AKAP1: variants seen among roughly 807,000 people sequenced by gnomAD.
AKAP1 encodes A-kinase anchoring protein 1.
AKAP1 carries 32 observed loss-of-function variants against 79.8 expected under a neutral mutation model. That is an observed-to-expected ratio of 0.40 (90% CI 0.30 to 0.54). The LOEUF is 0.54. Ranked by LOEUF, AKAP1 falls within the 20% of genes least tolerant of loss-of-function variation. AKAP1 has a pLI of 0.47. For missense variants in AKAP1, 961 were observed against 1,138.9 expected (o/e 0.84, Z 2.25); for synonymous variants, 416 against 466.7 (o/e 0.89, Z 1.40).
rs1439545869 is a variant in AKAP1, at chr17:57,106,562, C to T, written c.1098C>T (p.Thr366=). The change falls in exon 2 of 11, where the codon ACC becomes ACT. Residue 366 remains threonine (T), a synonymous_variant. Transcript: ENST00000337714. ...ISEATEQVLA[T]TVGKVAGRVC... The stretch of plus-strand genomic sequence containing the variant: ...AAGCAACCGAACAGGTGCTGGCCAC[C>T]ACGGTTGGCAAGGTTGCAGGTCGTG... The T allele has an allele frequency of 1.2e-5, 19 of 1,614,208 alleles. No homozygotes were observed. The highest frequency in any genetic ancestry group is 1.4e-5 in the Non-Finnish European group (17 of 1,180,022).
intron 3 of AKAP1, among the ~76,000 whole-genome samples, chr17:57,111,536 G>A (rs775532159): frequency 3.3e-5 from 5 of 152,216 alleles, no homozygotes; most frequent in Non-Finnish European, 7.3e-5. Context: ...CGACTTCCTG[G>A]TTAGCAGCTG....
chr17:57,090,886 C>T (rs891479381), intron 1 of AKAP1, among the ~76,000 whole-genome samples: 1 of 152,202 alleles, frequency 6.6e-6, no homozygotes, highest in Non-Finnish European at 1.5e-5. Context: ...CACTAATTTC[C>T]CGACACCTGT....
intron 9 of AKAP1, 139 bp downstream of exon 9, chr17:57,118,593 A>G (rs1368553898): frequency 7.7e-6 from 6 of 776,882 alleles, no homozygotes; most frequent in Non-Finnish European, 1.3e-5. Flanking sequence ...CTAATACTTG[A>G]TATTAGTCTG....
At position 57,105,425 on chromosome 17, in the gene AKAP1, C is replaced by A; in HGVS notation, c.-24-16C>A. 1 of 1,605,982 alleles carries A rather than the reference C, an allele frequency of 6.2e-7. No individual in the cohort carries two copies. Among genetic ancestry groups the A allele is most frequent in the South Asian group, 1.1e-5 (1 of 90,678 alleles). On this transcript the variant is annotated splice_polypyrimidine_tract_variant and intron_variant, in intron 1 of 10. Transcript: ENST00000337714. ...CTCTGTAACATCCCTCCTCCCCGCT[C>A]TCCTGCTCTCCCCAGGTGTAATTAC...
chr17:57,110,963 T>C (rs1915206928), intron 3 of AKAP1, among the ~76,000 whole-genome samples: 1 of 152,070 alleles, frequency 6.6e-6, no homozygotes, highest in Non-Finnish European at 1.5e-5. Flanking sequence ...TGTGCTCAGG[T>C]GGAGACTTGG....
chr17:57,117,931 A>G (rs1694584547), intron 8 of AKAP1, among the ~76,000 whole-genome samples: 1 of 152,128 alleles, frequency 6.6e-6, no homozygotes, highest in South Asian at 2.1e-4. Context: ...CCTGGGTTTG[A>G]TTCCCACCTT....
At chr17:57,093,654 A>G (rs1439724986) in intron 1 of AKAP1, 1 of 152,220 alleles carries the variant, frequency 6.6e-6, no homozygotes, top group Admixed American at 6.5e-5. Context: ...TAGAGCATGC[A>G]TTGCTACTTG....
rs142149320 is a variant in AKAP1 at position 57,106,335 on chromosome 17, G to T, written c.871G>T (p.Ala291Ser). ...CGATGCGGCGCCAGCACCCCCAGTC[G>T]CAGACGCCAAAGCCCAGGATAGAGG... is the stretch of plus-strand genomic sequence containing the variant. ...KDDAAPAPPV[A>S]DAKAQDRGVE... Residue 291 changes from alanine to serine, a missense_variant, in exon 2 of 11, where the codon GCA (alanine) becomes TCA (serine). Ala to Ser is a moderately conservative substitution (Grantham distance 99). Coordinates refer to ENST00000337714, the MANE Select transcript of AKAP1 (RefSeq NM_003488.4). 4.3e-6 allele frequency: 7 copies of T among 1,614,098 alleles called. No homozygotes were observed. The Admixed American group carries it at 1.2e-4, about 27-fold the overall frequency.
chr17:57,108,278 G>A (rs543872061), intron 2 of AKAP1, among the ~76,000 whole-genome samples: 42 of 152,300 alleles, frequency 2.8e-4, no homozygotes, highest in African/African-American at 9.9e-4. Flanking sequence ...ATGCTGTTAA[G>A]ACACTACTGT....
intron 10 of AKAP1, 111 bp downstream of exon 10, chr17:57,119,155 AGACAAGCACCTCCTAGGG>A: frequency 2.5e-6 from 3 of 1,186,338 alleles, no homozygotes; most frequent in Non-Finnish European, 3.7e-6. Context: ...ATATAACTGT[AGACAAGCACCTCCTAGGG>A]AACACTTTGG....
At chr17:57,089,776 G>T (rs1226939402) in intron 1 of AKAP1, among the ~76,000 whole-genome samples, 1 of 152,242 alleles carries the variant, frequency 6.6e-6, no homozygotes, top group African/African-American at 2.4e-5. Flanking sequence ...TAGTCTGCCA[G>T]TTGGGAGTGG....
intron 8 of AKAP1, 95 bp from the exon 9 acceptor site, chr17:57,118,286 C>T (rs1915709177): frequency 8.7e-7 from 1 of 1,150,122 alleles, no homozygotes; most frequent in Non-Finnish European, 1.3e-6. Context: ...GCATCTGAAG[C>T]ATTCTACTTG....
chr17:57,106,143 G>A lies in AKAP1; in HGVS notation c.679G>A (p.Glu227Lys), dbSNP rs753284481. 1.2e-6 allele frequency: 2 copies of A among 1,610,008 alleles called. No homozygotes were observed. The highest frequency in any genetic ancestry group is 2.2e-5 in the South Asian group (2 of 90,932). The change falls in exon 2 of 11, where the codon GAA becomes AAA. Residue 227 changes from glutamate to lysine, a missense_variant. Coordinates refer to ENST00000337714, the MANE Select transcript of AKAP1 (RefSeq NM_003488.4). Reference sequence around the variant, plus strand: ...TCTGTTGTCTCGGGAGCATGTCTTGGAATTGGAGAACAGCAAGGGCCCCAG... The same window carrying A: ...TCTGTTGTCTCGGGAGCATGTCTTGAAATTGGAGAACAGCAAGGGCCCCAG... ...EALLSREHVL[E>K]LENSKGPSLA... is the part of the protein sequence containing the mutation.
At chr17:57,097,520 TC>T (rs1914197410) in intron 1 of AKAP1, among the ~76,000 whole-genome samples, 1 of 152,222 alleles carries the variant, frequency 6.6e-6, no homozygotes, top group Admixed American at 6.5e-5. Context: ...TCGACCAAAC[TC>T]CCATGGAAGG....
chr17:57,112,067 G>T, intron 4 of AKAP1, 143 bp downstream of exon 4: 1 of 1,145,068 alleles, frequency 8.7e-7, no homozygotes, highest in Non-Finnish European at 1.2e-6. Context: ...TATCTTCCCT[G>T]CAGCCTTTTC....
chr17:57,102,852 C>T (rs983136288), intron 1 of AKAP1, among the ~76,000 whole-genome samples: 79 of 152,106 alleles, frequency 5.2e-4, no homozygotes, highest in African/African-American at 1.8e-3. Context: ...TTTGGGAGGC[C>T]GGCTGGCGGA....
chr17:57,100,352 A>G (rs1914414278), intron 1 of AKAP1, among the ~76,000 whole-genome samples: 1 of 152,080 alleles, frequency 6.6e-6, no homozygotes, highest in South Asian at 2.1e-4. Context: ...TTTTGAGGCC[A>G]AGGTGGGTGG....
chr17:57,114,063 G>A (rs1269548604), intron 5 of AKAP1, among the ~76,000 whole-genome samples: 1 of 152,148 alleles, frequency 6.6e-6, no homozygotes, highest in Non-Finnish European at 1.5e-5. Flanking sequence ...CCTCATTCCT[G>A]TGTTGCCCTC....
chr17:57,116,992 AG>A (rs1757961790), intron 8 of AKAP1, 65 bp downstream of exon 8: 22 of 1,468,888 alleles, frequency 1.5e-5, no homozygotes, highest in Non-Finnish European at 2.0e-5. Context: ...GGTCTTTCTC[AG>A]AGCCTCCGTT....
Sources: allele counts gnomAD v4.1 joint callset (sites outside exome capture counted in the v4.1 genomes callset), GRCh38; gene constraint gnomAD v4.1.1; transcripts MANE v1.5; gene names NCBI Gene and HGNC (gene_info 2026-07-23, HGNC 2026-07-21).